UMODL1: variants seen among roughly 807,000 people sequenced by gnomAD.
UMODL1 encodes uromodulin like 1.
UMODL1 carries 128 observed loss-of-function variants against 136.3 expected under a neutral mutation model. That is an observed-to-expected ratio of 0.94 (90% CI 0.81 to 1.09). The LOEUF (loss-of-function observed/expected upper bound fraction) is 1.09. Ranked by LOEUF, UMODL1 falls within the 50% of genes least tolerant of loss-of-function variation. The probability of loss-of-function intolerance (pLI) is 0.00; values close to 1 mark genes in which losing one functional copy is unlikely to be tolerated. For synonymous variants in UMODL1, 721 were observed against 720.0 expected (o/e 1.00, Z -0.02); for missense variants, 1,766 against 1,725.6 (o/e 1.02, Z -0.41).
At chr21:42,101,477 G>A (rs950909165) in intron 7 of UMODL1, among the ~76,000 whole-genome samples, 1 of 152,204 alleles carries the variant, frequency 6.6e-6, no homozygotes, top group Non-Finnish European at 1.5e-5. Context: ...GAGAGAGCCA[G>A]GGTGGGGCAC....
Position 42,104,033 on chromosome 21 carries a change from C to G in UMODL1, c.1465C>G (p.Pro489Ala). Residue 489 changes from proline to alanine, a missense_variant, in exon 9 of 23, where the codon CCC becomes GCC. Coordinates refer to ENST00000408910, the MANE Select transcript of UMODL1 (RefSeq NM_001004416.3). ...GISTLAPILQ[P>A]LLASTVFQID... ...CTCCACGCTGGCCCCCATACTCCAG[C>G]CCCTGTTGGCAAGCACAGTGTTCCA... 1 of 1,613,930 alleles carries G rather than the reference C, an allele frequency of 6.2e-7. No homozygotes were observed.
intron 20 of UMODL1, among the ~76,000 whole-genome samples, chr21:42,128,672 C>T (rs1439083715): frequency 2.0e-5 from 3 of 152,224 alleles, no homozygotes; most frequent in African/African-American, 7.2e-5. Flanking sequence ...GGGCCACACA[C>T]GAGGAGCCTG....
At position 42,090,415 on chromosome 21, in the gene UMODL1, G is replaced by A. The variant is rs775249989; in HGVS notation, c.908G>A (p.Arg303Gln). Residue 303 changes from arginine to glutamine, a missense_variant, in exon 6 of 23, where the codon CGG becomes CAG. Coordinates refer to ENST00000408910, the MANE Select transcript of UMODL1 (RefSeq NM_001004416.3). ...CAGGAAGCTCCAGCCACGTCTCCACGGAAGCTGAACCTGGAGTGGGAAGGT... is the reference window on the plus strand; with the variant it reads ...CAGGAAGCTCCAGCCACGTCTCCACAGAAGCTGAACCTGGAGTGGGAAGGT... ...CHQEAPATSP[R>Q]KLNLEWEDCP... is the part of the protein sequence containing the mutation. The A allele has an allele frequency of 7.4e-6, 12 of 1,613,826 alleles. No homozygotes were observed. The highest frequency in any genetic ancestry group is 1.3e-5 in the African/African-American group (1 of 74,902).
At position 42,121,152 on chromosome 21, in the gene UMODL1, G is replaced by T. The variant is rs766115924; in HGVS notation, c.2755G>T (p.Gly919Trp). 4 of 1,613,978 alleles carry T rather than the reference G, an allele frequency of 2.5e-6. No homozygotes were observed. Among genetic ancestry groups the T allele is most frequent in the Non-Finnish European group, 3.4e-6 (4 of 1,180,016 alleles). Residue 919 changes from glycine to tryptophan, a missense_variant, in exon 16 of 23, where the codon GGG becomes TGG. Gly to Trp is a radical substitution (Grantham distance 184). Coordinates refer to ENST00000408910, the MANE Select transcript of UMODL1 (RefSeq NM_001004416.3). Reference sequence around the variant, plus strand: ...GGGGACATCCTGTCGAAACACCCTCGGGTCTTTCACTTGTAGCTGCGAGGG... The same window carrying T: ...GGGGACATCCTGTCGAAACACCCTCTGGTCTTTCACTTGTAGCTGCGAGGG... ...VPGTSCRNTL[G>W]SFTCSCEGGA... is the part of the protein sequence containing the mutation.
intron 9 of UMODL1, among the ~76,000 whole-genome samples, chr21:42,107,995 G>T (rs934790506): frequency 2.6e-5 from 4 of 152,208 alleles, no homozygotes; most frequent in African/African-American, 9.7e-5. Flanking sequence ...GGGTGCAGAG[G>T]CTCACTGGCA....
In UMODL1 at chr21:42,122,477, T is replaced by C. The variant is rs2146528149; in HGVS notation, c.2828-354T>C. 6.6e-6 allele frequency among the ~76,000 whole-genome samples: 1 copy of C among 152,322 alleles called. No individual in the cohort carries two copies. The highest frequency in any genetic ancestry group is 1.5e-5 in the Non-Finnish European group (1 of 68,012). The stretch of plus-strand genomic sequence containing the variant: ...CCCCGGCATCAGGTCCCTCGGTCCT[T>C]GGCCCTCGGGGGCCCATGGTGAGCC... On this transcript the variant is annotated intron_variant, in intron 16 of 22. Transcript: ENST00000408910. The surrounding 1 kb of genome is among the most constrained non-coding windows in gnomAD (Gnocchi z 4.3).
At chr21:42,111,819 G>T in intron 12 of UMODL1, 109 bp downstream of exon 12, 1 of 1,137,850 alleles carries the variant, frequency 8.8e-7, no homozygotes, top group Non-Finnish European at 1.2e-6. Flanking sequence ...TGCTAGCAAT[G>T]CTCAGGCGGC....
In UMODL1 at chr21:42,113,766, G is replaced by T. The variant is rs1356116864; in HGVS notation, c.2298G>T (p.Leu766=). Residue 766 remains leucine (L), a synonymous_variant, in exon 13 of 23, where the codon CTG becomes CTT. Transcript: ENST00000408910. ...LSGLEPGVLH[L]VEIMAKACGK... ...GGCTGGAGCCTGGGGTCTTGCACCTGGTTGAGATCATGGCCAAAGCATGTG... is the reference window on the plus strand; with the variant it reads ...GGCTGGAGCCTGGGGTCTTGCACCTTGTTGAGATCATGGCCAAAGCATGTG... 1.9e-6 allele frequency: 3 copies of T among 1,614,102 alleles called. No individual in the cohort carries two copies. The South Asian group carries it at 3.3e-5, about 18-fold the overall frequency.
chr21:42,123,718 G>T lies in UMODL1; in HGVS notation c.3147+568G>T, dbSNP rs1238969983. Among the ~76,000 whole-genome samples, 1 of 152,024 alleles carries T rather than the reference G, an allele frequency of 6.6e-6. No individual in the cohort carries two copies. On this transcript the variant is annotated intron_variant, in intron 17 of 22. Transcript: ENST00000408910. This position sits in a 1 kb window ranked among gnomAD's most constrained non-coding sequence, Gnocchi z 4.4. ...TGAATGTGTGAGTGTGTGAATGTGA[G>T]AATGTGTCTATGTGCATGTGTGCAT...
At chr21:42,112,258 G>A (rs993552881) in intron 12 of UMODL1, among the ~76,000 whole-genome samples, 5 of 151,654 alleles carry the variant, frequency 3.3e-5, no homozygotes, top group African/African-American at 7.3e-5. Context: ...CTGCACCCCC[G>A]GCTCTTCTGT....
chr21:42,077,574 G>A (rs901724388), intron 2 of UMODL1, among the ~76,000 whole-genome samples: 2 of 152,258 alleles, frequency 1.3e-5, no homozygotes, highest in South Asian at 2.1e-4. Flanking sequence ...TGATAGACAC[G>A]AGGCTTTGGG....
intron 11 of UMODL1, 80 bp from the exon 12 acceptor site, chr21:42,111,426 C>T (rs938600354): frequency 1.2e-6 from 2 of 1,613,692 alleles, no homozygotes; most frequent in African/African-American, 1.3e-5. Context: ...ATAGGCACCA[C>T]CTCCTCCCCG....
chr21:42,140,319 A>AGGAGGTCCAGGGCAAGAAGGGAT (rs1187111408), intron 22 of UMODL1, among the ~76,000 whole-genome samples: 1 of 105,084 alleles, frequency 9.5e-6, no homozygotes, highest in Non-Finnish European at 2.1e-5. Flanking sequence ...TCACGTGGCT[A>AGGAGGTCCAGGGCAAGAAGGGAT]GGAGGTCCAG....
At position 42,099,001 on chromosome 21, in the gene UMODL1, C is replaced by A; in HGVS notation, c.1007C>A (p.Ser336Tyr). The change falls in exon 7 of 23, where the codon TCT becomes TAT. Residue 336 changes from serine to tyrosine, a missense_variant. Transcript: ENST00000408910. The surrounding 1 kb of genome is among the most constrained non-coding windows in gnomAD (Gnocchi z 4.1). ...TTTCAAGTATCCTGGCGTTTAAATT[C>A]TACACAGAACCACACTTTCCATGTC... ...DSFQVSWRLN[S>Y]TQNHTFHVRV... 1 of 1,613,754 alleles carries A rather than the reference C, an allele frequency of 6.2e-7. No individual in the cohort carries two copies. The highest frequency in any genetic ancestry group is 8.5e-7 in the Non-Finnish European group (1 of 1,179,856).
chr21:42,083,697 T>A (rs1301536374), intron 2 of UMODL1, among the ~76,000 whole-genome samples: 1 of 152,268 alleles, frequency 6.6e-6, no homozygotes, highest in African/African-American at 2.4e-5. Flanking sequence ...CACCCGGCAT[T>A]GTGCCCGGCA....
At position 42,122,619 on chromosome 21, in the gene UMODL1, G is replaced by A. The variant is rs1415082489; in HGVS notation, c.2828-212G>A. On this transcript the variant is annotated intron_variant, in intron 16 of 22. Coordinates refer to ENST00000408910, the MANE Select transcript of UMODL1 (RefSeq NM_001004416.3). The surrounding 1 kb of genome is among the most constrained non-coding windows in gnomAD (Gnocchi z 4.3). ...CATGTGTGTGCATCTCTGCGTGCATGTGTGTGCATGCACGTGTGTGTACGT... is the reference window on the plus strand; with the variant it reads ...CATGTGTGTGCATCTCTGCGTGCATATGTGTGCATGCACGTGTGTGTACGT... Among the ~76,000 whole-genome samples, 1 of 149,588 alleles carries A rather than the reference G, an allele frequency of 6.7e-6. No individual in the cohort carries two copies. Among genetic ancestry groups the A allele is most frequent in the Non-Finnish European group, 1.5e-5 (1 of 67,798 alleles).
chr21:42,090,901 G>C (rs2066484009), intron 6 of UMODL1, among the ~76,000 whole-genome samples: 1 of 152,192 alleles, frequency 6.6e-6, no homozygotes, highest in African/African-American at 2.4e-5. Context: ...AGTTAGATTT[G>C]CTTCAGCCCC....
At chr21:42,100,652 C>T in intron 7 of UMODL1, among the ~76,000 whole-genome samples, 1 of 152,048 alleles carries the variant, frequency 6.6e-6, no homozygotes. Flanking sequence ...CAGAACCATC[C>T]TCCAGGGTAC....
intron 21 of UMODL1, among the ~76,000 whole-genome samples, chr21:42,137,148 T>C (rs1413337679): frequency 6.6e-6 from 1 of 152,216 alleles, no homozygotes; most frequent in Non-Finnish European, 1.5e-5. Flanking sequence ...CGTGTGTCCA[T>C]GCAGGGAATC....
Sources: allele counts gnomAD v4.1 joint callset (sites outside exome capture counted in the v4.1 genomes callset), GRCh38; gene constraint gnomAD v4.1.1; non-coding constraint Gnocchi (gnomAD v3.1); transcripts MANE v1.5; gene names NCBI Gene and HGNC (gene_info 2026-07-23, HGNC 2026-07-21).